FREY1: variants seen among roughly 807,000 people sequenced by gnomAD.
FREY1 encodes the protein Frey regulator of sperm-oocyte fusion 1, also known as protein Frey 1.
the FREY1 span, chr11:45,906,882 G>A: frequency 3.5e-5 from 56 of 1,613,886 alleles, no homozygotes; most frequent in African/African-American, 2.3e-4. Context: ...CCACCAGGCC[G>A]GAAAGTGGCT....
chr11:45,906,841 T>G, the FREY1 span: 1 of 1,612,460 alleles, frequency 6.2e-7, no homozygotes, highest in East Asian at 2.2e-5. Flanking sequence ...CAGGGATGGG[T>G]AGGGGAAGGG....
the FREY1 span, chr11:45,907,010 G>GA: frequency 4.4e-6 from 7 of 1,586,224 alleles, no homozygotes; most frequent in Middle Eastern, 1.9e-4. Context: ...TGAATGGGGG[G>GA]ATGGCTCAGT....
chr11:45,906,609 C>T, the FREY1 span: 2 of 1,584,620 alleles, frequency 1.3e-6, no homozygotes, highest in Admixed American at 1.8e-5. Flanking sequence ...AAGGTCGGGC[C>T]CGTCCCGCTT....
chr11:45,907,004 TG>T, the FREY1 span: 6 of 1,589,110 alleles, frequency 3.8e-6, no homozygotes, highest in African/African-American at 2.7e-5. Flanking sequence ...TCCTTGTGAA[TG>T]GGGGGATGGC....
At chr11:45,906,632 C>T in the FREY1 span, 1 of 1,596,946 alleles carries the variant, frequency 6.3e-7, no homozygotes. Context: ...GCTGCTGGGC[C>T]CTAGACAGGA....
At chr11:45,907,260 C>T in the FREY1 span, 8 of 1,530,710 alleles carry the variant, frequency 5.2e-6, no homozygotes, top group Non-Finnish European at 7.0e-6. Context: ...TACACGGGTC[C>T]TGGCTCCTGT....
At chr11:45,907,190 A>C in the FREY1 span, 1 of 1,557,308 alleles carries the variant, frequency 6.4e-7, no homozygotes, top group East Asian at 2.4e-5. Flanking sequence ...GATGAGGTGG[A>C]GGAAGAGGCT....
chr11:45,906,887 G>C, the FREY1 span: 20 of 1,613,788 alleles, frequency 1.2e-5, no homozygotes, highest in African/African-American at 2.7e-5. Context: ...AGGCCGGAAA[G>C]TGGCTGCGAG....
the FREY1 span, chr11:45,907,015 C>T: frequency 6.3e-6 from 10 of 1,581,434 alleles, no homozygotes; most frequent in South Asian, 2.2e-5. Context: ...GGGGGGATGG[C>T]TCAGTGTGGG....
chr11:45,906,909 G>T, the FREY1 span: 1 of 1,613,840 alleles, frequency 6.2e-7, no homozygotes, highest in Non-Finnish European at 8.5e-7. Context: ...GTTCCAGGGG[G>T]GCGGAAAATG....
chr11:45,906,605 G>A, the FREY1 span: 14 of 1,580,648 alleles, frequency 8.9e-6, no homozygotes, highest in Admixed American at 1.1e-4. Flanking sequence ...CGGCAAGGTC[G>A]GGCCCGTCCC....
chr11:45,906,876 CA>C, the FREY1 span: 1 of 1,613,906 alleles, frequency 6.2e-7, no homozygotes, highest in Non-Finnish European at 8.5e-7. Flanking sequence ...TACCATCCAC[CA>C]GGCCGGAAAG....
the FREY1 span, chr11:45,906,536 T>C: frequency 1.0e-5 from 15 of 1,503,882 alleles, no homozygotes; most frequent in Non-Finnish European, 1.3e-5. Context: ...GCCAAGCCTT[T>C]GTCACACATG....
At chr11:45,907,080 G>A in the FREY1 span, 2 of 1,516,352 alleles carry the variant, frequency 1.3e-6, no homozygotes, top group East Asian at 4.8e-5. Context: ...CCACTCCAGA[G>A]AGGGGAGGGG....
chr11:45,906,617 C>A, the FREY1 span: 31 of 1,589,834 alleles, frequency 1.9e-5, no homozygotes, highest in South Asian at 3.3e-4. Flanking sequence ...GCCCGTCCCG[C>A]TTGCGCTGCT....
chr11:45,906,629 G>A, the FREY1 span: 1 of 1,593,838 alleles, frequency 6.3e-7, no homozygotes. Flanking sequence ...TGCGCTGCTG[G>A]GCCCTAGACA....
chr11:45,906,923 CA>C, the FREY1 span: 1 of 1,613,812 alleles, frequency 6.2e-7, no homozygotes, highest in Non-Finnish European at 8.5e-7. Flanking sequence ...GAAAATGCCT[CA>C]GGAACAGACC....
chr11:45,906,680 G>A, the FREY1 span: 2 of 1,585,604 alleles, frequency 1.3e-6, no homozygotes, highest in Non-Finnish European at 8.6e-7. Flanking sequence ...GCTTGGGGAG[G>A]ATGCCATAGT....
At chr11:45,907,204 C>A in the FREY1 span, 1 of 1,556,248 alleles carries the variant, frequency 6.4e-7, no homozygotes, top group Non-Finnish European at 8.7e-7. Flanking sequence ...AGAGGCTGAG[C>A]CCAGCCCGGG....
Sources: gnomAD v4.1 joint callset for allele counts on GRCh38, gnomAD v4.1.1 for gene constraint, MANE v1.5 for transcripts, NCBI Gene and HGNC (gene_info 2026-07-23, HGNC 2026-07-21) for gene names.